The following THOC5 variants were observed in gnomAD, a reference collection of about 807,000 sequenced individuals.
THOC5 encodes Fms-interacting protein.
In THOC5, 43 loss-of-function variants were observed where a neutral mutation model predicts 92.9. The ratio of observed to expected loss-of-function variants is 0.46; its 90% CI spans 0.36 to 0.60. The LOEUF (loss-of-function observed/expected upper bound fraction) is 0.60, where lower values mean the gene tolerates loss of function less well. THOC5 is among the 20% of genes least tolerant of loss of function. The pLI, the probability that THOC5 is intolerant of heterozygous loss-of-function variation, is 0.00. For synonymous variants in THOC5, 296 were observed against 320.1 expected (o/e 0.92, Z 0.80); for missense variants, 659 against 849.4 (o/e 0.78, Z 2.79).
intron 1 of THOC5, chr22:29,550,912 C>T (rs1300761714): frequency 6.6e-6 from 1 of 152,146 alleles, no homozygotes; most frequent in East Asian, 1.9e-4. Flanking sequence ...GAGAACATCT[C>T]AGTTCCCTAG....
At chr22:29,518,475 G>C (rs1245488539) in intron 15 of THOC5, among the ~76,000 whole-genome samples, 1 of 152,152 alleles carries the variant, frequency 6.6e-6, no homozygotes. Context: ...TTATCACTTG[G>C]GAGCTTAGAA....
intron 6 of THOC5, among the ~76,000 whole-genome samples, chr22:29,538,807 A>G (rs1448335840): frequency 6.8e-6 from 1 of 146,884 alleles, no homozygotes; most frequent in Non-Finnish European, 1.5e-5. Flanking sequence ...TTTGGAAAAA[A>G]AAAAAAAAAA....
chr22:29,548,513 C>T (rs1235467669), intron 2 of THOC5, among the ~76,000 whole-genome samples: 1 of 152,074 alleles, frequency 6.6e-6, no homozygotes, highest in African/African-American at 2.4e-5. Flanking sequence ...AGAAATCGTG[C>T]CACTGTACTC....
chr22:29,535,511 T>C (rs1422542187), intron 7 of THOC5: 1 of 152,128 alleles, frequency 6.6e-6, no homozygotes, highest in East Asian at 1.9e-4. Flanking sequence ...AATGAGTCCA[T>C]ACTATATGTT....
In THOC5 at chr22:29,515,589, G is replaced by A. The variant is rs75944762; in HGVS notation, c.1681+1440C>T. On this transcript the variant is annotated intron_variant, in intron 17 of 19. Coordinates refer to ENST00000490103, the MANE Select transcript of THOC5 (RefSeq NM_003678.5). ...TGCCTGCAATCCCAGCACTTTGGGA[G>A]GCCGAGTTGGGAGGATCACTTAAAC... Among the ~76,000 whole-genome samples, 22 of 151,730 alleles carry A rather than the reference G, an allele frequency of 1.4e-4. 1 individual carries two copies. In the East Asian group the frequency reaches 3.7e-3, roughly 25 times the overall value.
intron 6 of THOC5, 105 bp from the exon 7 acceptor site, chr22:29,536,843 G>A (rs2063770327): frequency 1.4e-6 from 1 of 714,244 alleles, no homozygotes; most frequent in South Asian, 1.6e-5. Context: ...ATGATTAACT[G>A]CCAATGTTTA....
intron 11 of THOC5, among the ~76,000 whole-genome samples, chr22:29,526,756 T>C (rs1161228957): frequency 1.3e-5 from 2 of 152,078 alleles, no homozygotes; most frequent in Admixed American, 6.6e-5. Context: ...CAGGTACTCC[T>C]GATATGACAT....
rs752626148 is a variant in THOC5 at position 29,528,133 on chromosome 22, G to A, written c.1011C>T (p.Arg337=). 4 of 1,614,128 alleles carry A rather than the reference G, an allele frequency of 2.5e-6. No individual in the cohort carries two copies. The highest frequency in any genetic ancestry group is 3.4e-6 in the Non-Finnish European group (4 of 1,180,010). Residue 337 remains arginine (R), a synonymous_variant, in exon 11 of 20, where the codon CGC becomes CGT. Transcript: ENST00000490103. ...PTLGVQLDDK[R]KEMLKRHPLS... ...GTGGGTGCCTCTTCAGCATCTCCTTGCGTTTGTCGTCCAACTGAACCCCCA... is the reference window on the plus strand; with the variant it reads ...GTGGGTGCCTCTTCAGCATCTCCTTACGTTTGTCGTCCAACTGAACCCCCA...
intron 1 of THOC5, 23 bp from the exon 2 acceptor site, chr22:29,549,181 G>A (rs1223496294): frequency 1.2e-6 from 2 of 1,607,354 alleles, no homozygotes; most frequent in Non-Finnish European, 1.7e-6. Flanking sequence ...GAAAGTTTTT[G>A]AGATTCTTCT....
At chr22:29,516,122 G>A (rs952246080) in intron 17 of THOC5, among the ~76,000 whole-genome samples, 2 of 142,792 alleles carry the variant, frequency 1.4e-5, no homozygotes, top group East Asian at 2.1e-4. Flanking sequence ...CAGCCTGGGC[G>A]ACAAAGCAAG....
chr22:29,541,613 G>T (rs2063884398), intron 5 of THOC5, among the ~76,000 whole-genome samples: 1 of 150,818 alleles, frequency 6.6e-6, no homozygotes, highest in East Asian at 1.9e-4. Context: ...TGTAATCCCA[G>T]CACTTTGGGA....
chr22:29,520,483 T>G (rs933201179), intron 13 of THOC5, among the ~76,000 whole-genome samples: 1 of 151,390 alleles, frequency 6.6e-6, no homozygotes, highest in African/African-American at 2.5e-5. Context: ...CCAGAGGGTT[T>G]TTTTTGTTTT....
intron 1 of THOC5, among the ~76,000 whole-genome samples, chr22:29,549,539 C>T (rs1293738426): frequency 1.3e-5 from 2 of 152,200 alleles, no homozygotes; most frequent in East Asian, 1.9e-4. Context: ...CCACATTCCT[C>T]TCCAGGACTA....
At chr22:29,540,807 T>A (rs537977120) in intron 5 of THOC5, among the ~76,000 whole-genome samples, 1 of 152,340 alleles carries the variant, frequency 6.6e-6, no homozygotes, top group Non-Finnish European at 1.5e-5. Context: ...AACCAGGAAC[T>A]GACACTGGTA....
At chr22:29,525,395 A>C (rs768456139) in intron 12 of THOC5, among the ~76,000 whole-genome samples, 1 of 152,190 alleles carries the variant, frequency 6.6e-6, no homozygotes, top group Non-Finnish European at 1.5e-5. Flanking sequence ...GACCCACCAC[A>C]GTCCTCCCAC....
At chr22:29,518,551 G>A (rs771938653) in intron 15 of THOC5, among the ~76,000 whole-genome samples, 6 of 152,302 alleles carry the variant, frequency 3.9e-5, no homozygotes, top group South Asian at 4.1e-4. Context: ...AGGGATATGC[G>A]AGTTGCTCCC....
rs59948387 is a variant in THOC5, at chr22:29,543,347, C to CAAAA, written c.354+78_354+81dup. On this transcript the variant is annotated intron_variant, in intron 4 of 19. Transcript: ENST00000490103. ...TGGGGGACAGAACGAGACTCTGTCTCAAAAAAAAAAAAAAAAAAAAAAAAA... is the reference window on the plus strand; with the variant it reads ...TGGGGGACAGAACGAGACTCTGTCTCAAAAAAAAAAAAAAAAAAAAAAAAAAAAA... 3.1e-3 allele frequency: 1,420 copies of CAAAA among 463,902 alleles called. 4 individuals are homozygous for CAAAA. The highest frequency in any genetic ancestry group is 6.2e-3 in the African/African-American group (127 of 20,554). The allele number at this position is 463,902 out of a possible 1,614,324, so 28.7% of individuals were successfully genotyped here.
chr22:29,517,778 A>G (rs1055223921), intron 15 of THOC5, among the ~76,000 whole-genome samples: 3 of 152,264 alleles, frequency 2.0e-5, no homozygotes, highest in Non-Finnish European at 4.4e-5. Flanking sequence ...GAAGAGCCAG[A>G]TAACTGCTCC....
At chr22:29,526,708 G>A (rs1014403469) in intron 11 of THOC5, among the ~76,000 whole-genome samples, 3 of 151,938 alleles carry the variant, frequency 2.0e-5, no homozygotes, top group Non-Finnish European at 4.4e-5. Context: ...GGAACCAAGC[G>A]ATCAAGGTCA....
Sources: gnomAD v4.1 joint callset for allele counts (sites outside exome capture counted in the v4.1 genomes callset) on GRCh38, gnomAD v4.1.1 for gene constraint, MANE v1.5 for transcripts, NCBI Gene and HGNC (gene_info 2026-07-23, HGNC 2026-07-21) for gene names.